The following RUNX1 variants were observed in gnomAD, a reference collection of about 807,000 sequenced individuals.
The protein encoded by RUNX1 is runt-related transcription factor 1.
Under a neutral mutation model 42.8 loss-of-function variants are expected in RUNX1, and 19 were observed. The observed-to-expected ratio is 0.44, with a 90% CI of 0.31 to 0.65. The LOEUF (loss-of-function observed/expected upper bound fraction) is 0.65, where lower values mean the gene tolerates loss of function less well. Among genes scored for constraint, RUNX1 ranks in the 30% least tolerant of loss-of-function variants. The probability of loss-of-function intolerance (pLI) is 0.07; values close to 1 mark genes in which losing one functional copy is unlikely to be tolerated. For missense variants in RUNX1, 528 were observed against 672.0 expected (o/e 0.79, Z 2.37); for synonymous variants, 271 against 289.4 (o/e 0.94, Z 0.64).
intron 2 of RUNX1, among the ~76,000 whole-genome samples, chr21:34,987,059 C>A (rs369368856): frequency 6.6e-6 from 1 of 152,224 alleles, no homozygotes; most frequent in East Asian, 1.9e-4. Flanking sequence ...GTTTCTTGCA[C>A]CGCCCTTGCC....
At chr21:34,831,387 T>C (rs751538887) in intron 7 of RUNX1, among the ~76,000 whole-genome samples, 3 of 152,216 alleles carry the variant, frequency 2.0e-5, no homozygotes, top group Non-Finnish European at 2.9e-5. Flanking sequence ...TAATTTGAGA[T>C]GTCTATTTTG....
chr21:34,801,091 A>C (rs1020122769), intron 7 of RUNX1, among the ~76,000 whole-genome samples: 1 of 152,034 alleles, frequency 6.6e-6, no homozygotes, highest in Non-Finnish European at 1.5e-5. Context: ...TGCTACTGCA[A>C]GTATTTTGCT....
chr21:34,916,354 C>A (rs1370104509), intron 2 of RUNX1, among the ~76,000 whole-genome samples: 1 of 152,132 alleles, frequency 6.6e-6, no homozygotes, highest in Non-Finnish European at 1.5e-5. Flanking sequence ...ATAATATGGG[C>A]CCTTCCCGTG....
intron 2 of RUNX1, among the ~76,000 whole-genome samples, chr21:34,958,477 A>G (rs1429894021): frequency 6.6e-6 from 1 of 152,176 alleles, no homozygotes; most frequent in Non-Finnish European, 1.5e-5. Flanking sequence ...CATCAGAGAA[A>G]TGCAAATCAA....
chr21:34,978,184 C>T (rs576048438), intron 2 of RUNX1, among the ~76,000 whole-genome samples: 6 of 152,250 alleles, frequency 3.9e-5, no homozygotes, highest in African/African-American at 1.2e-4. Flanking sequence ...ATGATCCGCC[C>T]GCCTCGGCCT....
At chr21:34,975,445 T>C (rs951820340) in intron 2 of RUNX1, among the ~76,000 whole-genome samples, 1 of 152,228 alleles carries the variant, frequency 6.6e-6, no homozygotes, top group African/African-American at 2.4e-5. Context: ...ATGTTAGGTA[T>C]TATAAGTAAT....
chr21:34,860,277 A>G (rs972644027), intron 5 of RUNX1, among the ~76,000 whole-genome samples: 6 of 152,242 alleles, frequency 3.9e-5, no homozygotes, highest in Admixed American at 6.5e-5. Context: ...AAAAGGTGAG[A>G]AAATCTTCAT....
At chr21:34,918,099 G>T (rs140812312) in intron 2 of RUNX1, among the ~76,000 whole-genome samples, 148 of 139,758 alleles carry the variant, frequency 1.1e-3, no homozygotes, top group African/African-American at 3.8e-3. Flanking sequence ...CTGCACTCCA[G>T]CCTGGGTGAC....
chr21:35,008,965 G>T (rs575788001), intron 2 of RUNX1, among the ~76,000 whole-genome samples: 1 of 152,222 alleles, frequency 6.6e-6, no homozygotes, highest in Non-Finnish European at 1.5e-5. Context: ...GGAGCCCACC[G>T]ACTGTAATGG....
intron 2 of RUNX1, among the ~76,000 whole-genome samples, chr21:34,956,825 A>G (rs2058647732): frequency 6.6e-6 from 1 of 152,168 alleles, no homozygotes; most frequent in South Asian, 2.1e-4. Context: ...AGGGCATACC[A>G]CTACATCATA....
At chr21:34,810,025 A>G (rs1259768844) in intron 7 of RUNX1, among the ~76,000 whole-genome samples, 1 of 152,202 alleles carries the variant, frequency 6.6e-6, no homozygotes, top group Non-Finnish European at 1.5e-5. Context: ...CATCTCTGCC[A>G]CTGCCCCAGC....
intron 2 of RUNX1, among the ~76,000 whole-genome samples, chr21:35,018,484 A>G (rs2059175521): frequency 6.6e-6 from 1 of 152,198 alleles, no homozygotes; most frequent in Non-Finnish European, 1.5e-5. Context: ...CTGTTGCTTG[A>G]GTCCTCCAGT....
At chr21:34,866,938 TG>T (rs1207542820) in intron 5 of RUNX1, among the ~76,000 whole-genome samples, 1 of 152,202 alleles carries the variant, frequency 6.6e-6, no homozygotes, top group Non-Finnish European at 1.5e-5. Context: ...AAATGGCATT[TG>T]TTTGGAATTA....
intron 3 of RUNX1, among the ~76,000 whole-genome samples, chr21:34,888,955 C>G (rs1437119468): frequency 6.6e-6 from 1 of 151,432 alleles, no homozygotes; most frequent in East Asian, 1.9e-4. Context: ...GCCCGGGGCC[C>G]CGCCCGCGTG....
At chr21:34,991,567 ATG>A (rs1320598254) in intron 2 of RUNX1, among the ~76,000 whole-genome samples, 43 of 152,088 alleles carry the variant, frequency 2.8e-4, no homozygotes, top group South Asian at 4.1e-4. Context: ...GATGATGATG[ATG>A]ATGATGGTGA....
chr21:34,962,267 C>T (rs1026730985), intron 2 of RUNX1, among the ~76,000 whole-genome samples: 3 of 152,132 alleles, frequency 2.0e-5, no homozygotes, highest in Non-Finnish European at 2.9e-5. Flanking sequence ...GCACTGTTTG[C>T]TCCCACTAAA....
intron 6 of RUNX1, among the ~76,000 whole-genome samples, chr21:34,835,614 T>C (rs2057134905): frequency 6.6e-6 from 1 of 152,178 alleles, no homozygotes; most frequent in Non-Finnish European, 1.5e-5. Context: ...GGCTCCAAGG[T>C]AGGGAGGTAG....
At chr21:34,902,756 C>T (rs1341747962) in intron 2 of RUNX1, among the ~76,000 whole-genome samples, 2 of 152,158 alleles carry the variant, frequency 1.3e-5, no homozygotes, top group Non-Finnish European at 2.9e-5. Context: ...ACTTACCTTG[C>T]CCCAGCCTCA....
chr21:34,900,380 A>G (rs1477513461), intron 2 of RUNX1, among the ~76,000 whole-genome samples: 1 of 152,208 alleles, frequency 6.6e-6, no homozygotes, highest in East Asian at 1.9e-4. Context: ...TTCACCCTGG[A>G]TAGCAATTTT....
Sources: allele counts gnomAD v4.1 joint callset (sites outside exome capture counted in the v4.1 genomes callset), GRCh38; gene constraint gnomAD v4.1.1; transcripts MANE v1.5; gene names NCBI Gene and HGNC (gene_info 2026-07-23, HGNC 2026-07-21).